The following XKR9 variants were observed in gnomAD, a reference collection of about 807,000 sequenced individuals.
XKR9 encodes the protein XK-related protein 9.
Under a neutral mutation model 32.0 loss-of-function variants are expected in XKR9, and 32 were observed. That is an observed-to-expected ratio of 1.00 (90% confidence interval 0.76 to 1.34). The LOEUF is 1.34. XKR9 is among the 40% of genes most tolerant of loss of function. XKR9 has a pLI of 0.00. For missense variants in XKR9, 546 were observed against 429.7 expected (o/e 1.27, Z -2.39); for synonymous variants, 168 against 143.4 (o/e 1.17, Z -1.22).
intron 3 of XKR9, among the ~76,000 whole-genome samples, chr8:70,683,262 T>C (rs781202663): frequency 3.3e-5 from 5 of 152,186 alleles, no homozygotes; most frequent in Non-Finnish European, 5.9e-5. Flanking sequence ...TTAACATTGA[T>C]AATTTAAAGA....
downstream of XKR9, among the ~76,000 whole-genome samples, chr8:70,792,561 G>A (rs1807777934): frequency 1.3e-5 from 2 of 152,076 alleles, no homozygotes. Flanking sequence ...AAAACACTGA[G>A]CCCACAACTC....
intron 2 of XKR9, among the ~76,000 whole-genome samples, chr8:70,766,615 C>T (rs1465418666): frequency 6.6e-6 from 1 of 152,140 alleles, no homozygotes; most frequent in Non-Finnish European, 1.5e-5. Context: ...TTGCCCTGGC[C>T]AGAACTTCCA....
the XKR9 span, among the ~76,000 whole-genome samples, chr8:71,033,267 T>G: frequency 6.6e-6 from 1 of 152,204 alleles, no homozygotes; most frequent in Non-Finnish European, 1.5e-5. Context: ...TTAATTTCTT[T>G]GTGTTCTGAC....
chr8:70,772,715 A>G (rs1184375817), intron 2 of XKR9, among the ~76,000 whole-genome samples: 1 of 152,188 alleles, frequency 6.6e-6, no homozygotes, highest in Non-Finnish European at 1.5e-5. Context: ...TTTATGTAGA[A>G]ATGTTAAAAA....
the XKR9 span, among the ~76,000 whole-genome samples, chr8:70,925,953 T>C: frequency 6.6e-6 from 1 of 152,224 alleles, no homozygotes; most frequent in Non-Finnish European, 1.5e-5. Context: ...TTCTTATACA[T>C]TATAAGTACA....
the XKR9 span, among the ~76,000 whole-genome samples, chr8:70,899,069 A>G: frequency 6.6e-6 from 1 of 152,148 alleles, no homozygotes; most frequent in Non-Finnish European, 1.5e-5. Flanking sequence ...GTGCACCACT[A>G]TGCCTAGCTA....
intron 3 of XKR9, among the ~76,000 whole-genome samples, chr8:70,789,631 T>C (rs1401818562): frequency 3.3e-5 from 5 of 152,242 alleles, no homozygotes; most frequent in African/African-American, 1.2e-4. Flanking sequence ...ATTTACACTT[T>C]TCTAAATATT....
At chr8:71,027,740 G>C in the XKR9 span, among the ~76,000 whole-genome samples, 1 of 147,682 alleles carries the variant, frequency 6.8e-6, no homozygotes, top group Non-Finnish European at 1.5e-5. Flanking sequence ...TACATTTAAG[G>C]ATTGTATTTG....
chr8:71,033,678 A>G, the XKR9 span, among the ~76,000 whole-genome samples: 2 of 152,070 alleles, frequency 1.3e-5, no homozygotes, highest in East Asian at 1.9e-4. Flanking sequence ...AGGTCATTAG[A>G]AAGAGTCTGA....
chr8:70,732,529 G>T lies in XKR9; in HGVS notation c.494-1267G>T, dbSNP rs953812119. 2.6e-5 allele frequency among the ~76,000 whole-genome samples: 4 copies of T among 152,320 alleles called. No individual in the cohort carries two copies. The South Asian group carries it at 8.3e-4, about 32-fold the overall frequency. On this transcript the variant is annotated intron_variant, in intron 4 of 4. Transcript: ENST00000408926. Reference sequence around the variant, plus strand: ...GCTGGTAGTCACAAGGCCATTCCTGGACGAGCCCCCATATTTGTAACCACC... The same window carrying T: ...GCTGGTAGTCACAAGGCCATTCCTGTACGAGCCCCCATATTTGTAACCACC...
intron 2 of XKR9, among the ~76,000 whole-genome samples, chr8:70,762,073 C>G (rs967582799): frequency 1.3e-5 from 2 of 152,012 alleles, no homozygotes; most frequent in African/African-American, 4.8e-5. Context: ...GTTCTTGTAC[C>G]AGTACCATGC....
At chr8:70,790,233 C>A (rs899607802) in exon 4 of XKR9, 5 of 151,958 alleles carry the variant, frequency 3.3e-5, no homozygotes, top group Non-Finnish European at 7.4e-5. Context: ...CTGTACACTA[C>A]TGTGATTTGA....
the XKR9 span, among the ~76,000 whole-genome samples, chr8:70,836,025 C>G: frequency 6.6e-6 from 1 of 151,940 alleles, no homozygotes; most frequent in African/African-American, 2.4e-5. Context: ...TCCATAGATT[C>G]TACTATACAC....
At chr8:70,922,316 A>C in the XKR9 span, among the ~76,000 whole-genome samples, 1 of 152,326 alleles carries the variant, frequency 6.6e-6, no homozygotes, top group Admixed American at 6.5e-5. Context: ...CAAAATTTTC[A>C]TTCACCACTT....
chr8:70,878,162 C>A, the XKR9 span, among the ~76,000 whole-genome samples: 5 of 152,182 alleles, frequency 3.3e-5, no homozygotes, highest in East Asian at 9.7e-4. Flanking sequence ...GAAGGAAGCA[C>A]TAAACATGGA....
At chr8:71,056,944 C>T in the XKR9 span, among the ~76,000 whole-genome samples, 1 of 152,072 alleles carries the variant, frequency 6.6e-6, no homozygotes, top group South Asian at 2.1e-4. Flanking sequence ...ACTTATTATC[C>T]TGAATATGTT....
intron 2 of XKR9, among the ~76,000 whole-genome samples, chr8:70,781,281 T>TCA: frequency 6.6e-6 from 1 of 152,264 alleles, no homozygotes; most frequent in East Asian, 1.9e-4. Context: ...TGTCTCTTTA[T>TCA]TGATGAATTG....
intron 3 of XKR9, among the ~76,000 whole-genome samples, chr8:70,684,377 G>C (rs1819187730): frequency 6.6e-6 from 1 of 152,018 alleles, no homozygotes; most frequent in Non-Finnish European, 1.5e-5. Flanking sequence ...GATACATTCT[G>C]TGGAATGTTA....
chr8:70,984,630 A>G, the XKR9 span, among the ~76,000 whole-genome samples: 3 of 152,218 alleles, frequency 2.0e-5, no homozygotes, highest in African/African-American at 7.2e-5. Flanking sequence ...AGGTAAAACA[A>G]AATCTCTATA....
Sources: allele counts gnomAD v4.1 joint callset (sites outside exome capture counted in the v4.1 genomes callset), GRCh38; gene constraint gnomAD v4.1.1; transcripts MANE v1.5; gene names NCBI Gene and HGNC (gene_info 2026-07-23, HGNC 2026-07-21).